The following ANK3 variants were observed in gnomAD, a reference collection of about 807,000 sequenced individuals.
ANK3 encodes ankyrin 3.
Under a neutral mutation model 370.9 loss-of-function variants are expected in ANK3, and 57 were observed. The ratio of observed to expected loss-of-function variants is 0.15; its 90% CI spans 0.12 to 0.19. The LOEUF (loss-of-function observed/expected upper bound fraction) is 0.19. ANK3 is among the 10% of genes least tolerant of loss of function. The pLI is 1.00. For missense variants in ANK3, 4,439 were observed against 5,302.1 expected, an observed-to-expected ratio of 0.84 and a Z score of 5.06; for synonymous variants, 1,929 against 1,946.3, an observed-to-expected ratio of 0.99 and a Z score of 0.23.
chr10:60,715,215 A>ATGTG (rs5785463), intron 1 of ANK3, among the ~76,000 whole-genome samples: 36,553 of 147,056 alleles, frequency 0.25, 4,630 homozygotes, highest in South Asian at 0.44. Context: ...ACATATACAA[A>ATGTG]TGTGTGTGTG....
At chr10:60,406,235 A>G (rs955545272) in intron 2 of ANK3, among the ~76,000 whole-genome samples, 17 of 152,196 alleles carry the variant, frequency 1.1e-4, no homozygotes, top group Admixed American at 3.9e-4. Context: ...TGATACGTAA[A>G]TGGACATGGC....
At chr10:60,429,359 G>A (rs895855869) in intron 2 of ANK3, among the ~76,000 whole-genome samples, 1 of 152,014 alleles carries the variant, frequency 6.6e-6, no homozygotes, top group East Asian at 1.9e-4. Context: ...AAGGAGATGT[G>A]GAATAGGAAA....
At chr10:60,200,601 A>AC (rs1208825371) in intron 12 of ANK3, among the ~76,000 whole-genome samples, 1 of 149,068 alleles carries the variant, frequency 6.7e-6, no homozygotes, top group East Asian at 2.0e-4. Context: ...CAGGCAGCCA[A>AC]CCCCCCACCC....
At chr10:60,271,067 T>C (rs72820497) in intron 4 of ANK3, among the ~76,000 whole-genome samples, 2,491 of 152,252 alleles carry the variant, frequency 0.016, 27 homozygotes, top group Non-Finnish European at 0.025. Flanking sequence ...TAAAAAAATG[T>C]TGTATATATA....
intron 42 of ANK3, among the ~76,000 whole-genome samples, chr10:60,050,442 T>G (rs553417057): frequency 1.3e-5 from 2 of 152,344 alleles, no homozygotes; most frequent in South Asian, 4.1e-4. Flanking sequence ...TTAAGAAATT[T>G]TGGACACCTG....
chr10:60,658,166 T>C (rs567648971), intron 1 of ANK3, among the ~76,000 whole-genome samples: 19 of 152,210 alleles, frequency 1.2e-4, no homozygotes, highest in Admixed American at 8.5e-4. Context: ...TGCCTTTTCA[T>C]TGGAGTGTTA....
intron 7 of ANK3, among the ~76,000 whole-genome samples, chr10:60,240,167 TATATATAC>T (rs2097420539): frequency 3.9e-5 from 5 of 129,188 alleles, no homozygotes; most frequent in Non-Finnish European, 7.8e-5. Flanking sequence ...TATATACACA[TATATATAC>T]ATATATACAC....
rs529573061 is a variant in ANK3 at position 60,088,429 on chromosome 10, A to G, written c.3329-71T>C. 66 of 1,375,720 alleles carry G rather than the reference A, an allele frequency of 4.8e-5. No individual in the cohort carries two copies. The East Asian group carries it at 8.3e-4, about 17-fold the overall frequency. The allele number at this position is 1,375,720 out of a possible 1,614,324, so 85.2% of individuals were successfully genotyped here. The stretch of plus-strand genomic sequence containing the variant: ...ACAACATACCTTAAGTCAAAATGAT[A>G]TATCTTTTTTTTTGAGATGGAGTTT... On this transcript the variant is annotated intron_variant, in intron 28 of 43. Coordinates refer to ENST00000280772, the MANE Select transcript of ANK3 (RefSeq NM_020987.5).
chr10:60,652,751 T>C (rs1318591630), intron 1 of ANK3, among the ~76,000 whole-genome samples: 2 of 150,034 alleles, frequency 1.3e-5, no homozygotes. Flanking sequence ...GGTTCCAGTC[T>C]GATAACTTTG....
At chr10:60,323,945 A>G (rs952481635) in intron 1 of ANK3, among the ~76,000 whole-genome samples, 11 of 152,188 alleles carry the variant, frequency 7.2e-5, no homozygotes, top group African/African-American at 2.2e-4. Context: ...CAAAAGCAGC[A>G]TGGATGATGT....
chr10:60,616,599 A>G (rs746172672), intron 1 of ANK3, among the ~76,000 whole-genome samples: 6 of 152,114 alleles, frequency 3.9e-5, no homozygotes, highest in Non-Finnish European at 8.8e-5. Flanking sequence ...AATACTTCCT[A>G]GTATTTATGA....
At chr10:60,348,119 G>A (rs1046731791) in intron 1 of ANK3, among the ~76,000 whole-genome samples, 2 of 151,818 alleles carry the variant, frequency 1.3e-5, no homozygotes, top group African/African-American at 2.4e-5. Flanking sequence ...CAGCCTCATT[G>A]GCAATAGGAT....
intron 26 of ANK3, among the ~76,000 whole-genome samples, chr10:60,112,660 T>A (rs1426957377): frequency 6.6e-6 from 1 of 152,218 alleles, no homozygotes; most frequent in African/African-American, 2.4e-5. Flanking sequence ...AAAATGAGGA[T>A]AATGAGTAAT....
At chr10:60,211,429 T>G (rs1316678732) in intron 9 of ANK3, among the ~76,000 whole-genome samples, 2 of 152,136 alleles carry the variant, frequency 1.3e-5, no homozygotes, top group African/African-American at 4.8e-5. Context: ...ATCCTTGTTC[T>G]GCCACTAATT....
At position 60,336,287 on chromosome 10, in the gene ANK3, TGAG is replaced by T. The variant is rs573408288; in HGVS notation, c.114+53135_114+53137del. On this transcript the variant is annotated intron_variant, in intron 1 of 43. Transcript: ENST00000280772. ...ATTTGCAGGAGAATGTGAAAACTCTTGAGAAGGAGAAAAGTTTAAAATGTAAGA... is the reference window on the plus strand; with the variant it reads ...ATTTGCAGGAGAATGTGAAAACTCTTAAGGAGAAAAGTTTAAAATGTAAGA... Among the ~76,000 whole-genome samples, 88 of 152,156 alleles carry T rather than the reference TGAG, an allele frequency of 5.8e-4. 1 individual carries two copies. The highest frequency in any genetic ancestry group is 2.0e-3 in the African/African-American group (82 of 41,520).
chr10:60,586,891 A>C (rs1286309935), intron 2 of ANK3, among the ~76,000 whole-genome samples: 4 of 152,228 alleles, frequency 2.6e-5, no homozygotes, highest in African/African-American at 9.6e-5. Flanking sequence ...GGCAGCTGTA[A>C]GATAAAAGGC....
intron 2 of ANK3, among the ~76,000 whole-genome samples, chr10:60,594,752 A>G (rs367676673): frequency 3.2e-4 from 49 of 152,270 alleles, no homozygotes; most frequent in African/African-American, 1.2e-3. Flanking sequence ...GGTTTTTTTC[A>G]GGCATTCCTT....
At chr10:60,082,811 C>G in intron 33 of ANK3, 74 bp from the exon 34 acceptor site, 1 of 1,498,868 alleles carries the variant, frequency 6.7e-7, no homozygotes, top group Non-Finnish European at 9.0e-7. Context: ...AAGAGTTAAG[C>G]ATGGTTGTTT....
At chr10:60,044,186 C>G (rs547193193) in intron 42 of ANK3, 246 of 984,724 alleles carry the variant, frequency 2.5e-4, no homozygotes, top group Non-Finnish European at 2.9e-4. Flanking sequence ...GGAGATGACA[C>G]TACAGCACAA....
Sources: allele counts gnomAD v4.1 joint callset (sites outside exome capture counted in the v4.1 genomes callset), GRCh38; gene constraint gnomAD v4.1.1; transcripts MANE v1.5; gene names NCBI Gene and HGNC (gene_info 2026-07-23, HGNC 2026-07-21).